Variants in EXD2 observed in about 807,000 individuals in gnomAD.
EXD2 encodes the protein exonuclease 3'-5' domain-containing protein 2.
In EXD2, 40 loss-of-function variants were observed where a neutral mutation model predicts 62.5. The ratio of observed to expected loss-of-function variants is 0.64; its 90% CI spans 0.50 to 0.83. EXD2 has a LOEUF of 0.83. Among genes scored for constraint, EXD2 ranks in the 40% least tolerant of loss-of-function variants. The pLI, the probability that EXD2 is intolerant of heterozygous loss-of-function variation, is 0.00. For synonymous variants in EXD2, 239 were observed against 291.9 expected (o/e 0.82, Z 1.85); for missense variants, 671 against 761.8 (o/e 0.88, Z 1.40).
rs557864570 is a variant in EXD2 at position 69,234,788 on chromosome 14, A to T, written c.806A>T (p.Glu269Val). The change falls in exon 6 of 10, where the codon GAA (glutamate) becomes GTA (valine). Residue 269 changes from glutamate (E) to valine (V), a missense_variant. Physicochemically the swap from Glu to Val is moderately radical, Grantham distance 121. Transcript: ENST00000685843. Reference sequence around the variant, plus strand: ...CCTTTCTCTAGGAATTCACCTGGAGAAAAAAACGATGACCACAGTAGCTGG... The same window carrying T: ...CCTTTCTCTAGGAATTCACCTGGAGTAAAAAACGATGACCACAGTAGCTGG... ...GYPFSRNSPG[E>V]KNDDHSSWRK... is the part of the protein sequence containing the mutation. 13 of 1,614,054 alleles carry T rather than the reference A, an allele frequency of 8.1e-6. No individual in the cohort carries two copies. In the East Asian group the frequency reaches 1.3e-4, roughly 17 times the overall value.
intron 8 of EXD2, 64 bp downstream of exon 8, chr14:69,236,606 T>G: frequency 6.2e-7 from 1 of 1,606,922 alleles, no homozygotes; most frequent in Non-Finnish European, 8.5e-7. Flanking sequence ...TGTAGCCATA[T>G]GCAGAGCCTT....
intron 3 of EXD2, among the ~76,000 whole-genome samples, chr14:69,223,743 A>G (rs542728085): frequency 4.2e-4 from 64 of 152,268 alleles, no homozygotes; most frequent in African/African-American, 1.5e-3. Flanking sequence ...CTCTGGCTAC[A>G]TATTTCCTTG....
intron 2 of EXD2, among the ~76,000 whole-genome samples, chr14:69,206,204 A>C (rs947052029): frequency 3.9e-5 from 6 of 152,026 alleles, no homozygotes; most frequent in Admixed American, 3.9e-4. Context: ...TACAGGTGTG[A>C]GCCACTGCAC....
At position 69,227,108 on chromosome 14, in the gene EXD2, C is replaced by T. The variant is rs147738485; in HGVS notation, c.334-1708C>T. Among the ~76,000 whole-genome samples the T allele has an allele frequency of 2.1e-3, 324 of 152,274 alleles. 1 individual carries two copies. The highest frequency in any genetic ancestry group is 7.4e-3 in the African/African-American group (306 of 41,562). On this transcript the variant is annotated intron_variant, in intron 3 of 9. Coordinates refer to ENST00000685843, the MANE Select transcript of EXD2 (RefSeq NM_001193360.2). ...CTAGAGCAGAGTTTCTCAGCCTCCC[C>T]GCTATTGACATTTTGGGCAGATGAT...
At position 69,228,914 on chromosome 14, in the gene EXD2, A is replaced by G; in HGVS notation, c.432A>G (p.Gly144=). Residue 144 remains glycine, a synonymous_variant, in exon 4 of 10, where the codon GGA becomes GGG. Coordinates refer to ENST00000685843, the MANE Select transcript of EXD2 (RefSeq NM_001193360.2). ...VLVRLPKLIC[G]GKTLPRTLLD... The stretch of plus-strand genomic sequence containing the variant: ...TTCGCCTGCCCAAGCTAATCTGTGG[A>G]GGAAAAACACTACCAAGAACGTTAT... The G allele has an allele frequency of 6.2e-7, 1 of 1,614,148 alleles. No homozygotes were observed. The highest frequency in any genetic ancestry group is 1.3e-5 in the African/African-American group (1 of 75,022).
rs2043993033 is a variant in EXD2, at chr14:69,241,922, C to T, written c.*822C>T. 1 of 398,954 alleles carries T rather than the reference C, an allele frequency of 2.5e-6. No homozygotes were observed. The highest frequency in any genetic ancestry group is 4.4e-6 in the Non-Finnish European group (1 of 226,084). The allele number at this position is 398,954 out of a possible 1,614,324, so 24.7% of individuals were successfully genotyped here. A position where few individuals can be genotyped will look rare whatever the true frequency, so the allele number is the denominator to read the frequency against. ...GAACTGCAAGATTTTTAGCTTCACC[C>T]CTTTCTGAGAGTAATGTTATCTTTT... On this transcript the variant is annotated 3_prime_UTR_variant, in exon 10 of 10. Transcript: ENST00000685843.
rs368454564 is a variant in EXD2 at position 69,237,817 on chromosome 14, C to A, written c.1535C>A (p.Ala512Glu). The change falls in exon 9 of 10, where the codon GCG becomes GAG. Residue 512 changes from alanine to glutamate, a missense_variant. Ala to Glu is a moderately radical substitution (Grantham distance 107). Transcript: ENST00000685843. ...VRSGARALLN[A>E]ESLPTQRKEE... ...TCTGGGGCCAGGGCCCTGCTCAACGCGGAGAGCCTGCCTACTCAGCGAAAG... is the reference window on the plus strand; with the variant it reads ...TCTGGGGCCAGGGCCCTGCTCAACGAGGAGAGCCTGCCTACTCAGCGAAAG... 6.2e-7 allele frequency: 1 copy of A among 1,613,690 alleles called. No homozygotes were observed. The highest frequency in any genetic ancestry group is 1.3e-5 in the African/African-American group (1 of 75,054).
At chr14:69,201,672 G>GTTTTTTGTTTTTTT (rs2042402768) in intron 1 of EXD2, among the ~76,000 whole-genome samples, 2 of 58,992 alleles carry the variant, frequency 3.4e-5, no homozygotes, top group African/African-American at 1.4e-4. Flanking sequence ...TGTTTTCTCT[G>GTTTTTTGTTTTTTT]TTTTTTTTTT....
chr14:69,195,692 G>C (rs997483534), intron 1 of EXD2, among the ~76,000 whole-genome samples: 1 of 152,076 alleles, frequency 6.6e-6, no homozygotes, highest in Non-Finnish European at 1.5e-5. Context: ...ACTCCCCTGA[G>C]ACCCCAGCCC....
chr14:69,231,364 A>C (rs1215472237), intron 5 of EXD2, among the ~76,000 whole-genome samples: 1 of 151,976 alleles, frequency 6.6e-6, no homozygotes, highest in Non-Finnish European at 1.5e-5. Flanking sequence ...ATCTTTTGAC[A>C]TCATACTGTG....
chr14:69,204,484 C>T (rs1231872467), intron 2 of EXD2, among the ~76,000 whole-genome samples: 5 of 152,012 alleles, frequency 3.3e-5, no homozygotes, highest in Admixed American at 2.6e-4. Flanking sequence ...AGTGGGAGCC[C>T]AGGAGGTCGA....
In EXD2 at chr14:69,229,441, T is replaced by G. The variant is rs1043367059; in HGVS notation, c.590+369T>G. Among the ~76,000 whole-genome samples, 3 of 152,222 alleles carry G rather than the reference T, an allele frequency of 2.0e-5. No individual in the cohort carries two copies. The East Asian group carries it at 5.8e-4, about 29-fold the overall frequency. The stretch of plus-strand genomic sequence containing the variant: ...TAAAAATCTGTATTTCTGGCTTCTC[T>G]TGAAATTAGGTAATCTGACTACACT... On this transcript the variant is annotated intron_variant, in intron 4 of 9. Coordinates refer to ENST00000685843, the MANE Select transcript of EXD2 (RefSeq NM_001193360.2).
chr14:69,214,321 T>C (rs1326435299), intron 3 of EXD2, among the ~76,000 whole-genome samples: 3 of 152,194 alleles, frequency 2.0e-5, no homozygotes, highest in Non-Finnish European at 4.4e-5. Context: ...GTTTTATCAA[T>C]TTAAAATTTC....
chr14:69,191,756 C>G (rs2042029627), intron 1 of EXD2, 165 bp downstream of exon 1: 1 of 152,488 alleles, frequency 6.6e-6, no homozygotes, highest in Non-Finnish European at 1.5e-5. Flanking sequence ...GGCCCTGCCC[C>G]TCTCCCCGCC....
chr14:69,234,591 C>A (rs530622642), intron 5 of EXD2, 109 bp from the exon 6 acceptor site: 42 of 910,814 alleles, frequency 4.6e-5, no homozygotes, highest in Non-Finnish European at 6.3e-5. Context: ...GGTTGTCGTA[C>A]ATTTTGAATT....
At position 69,209,741 on chromosome 14, in the gene EXD2, A is replaced by G; in HGVS notation, c.271A>G (p.Ile91Val). 6.5e-7 allele frequency: 1 copy of G among 1,548,776 alleles called. No individual in the cohort carries two copies. Among genetic ancestry groups the G allele is most frequent in the Admixed American group, 2.0e-5 (1 of 50,548 alleles). Reference protein sequence around the residue: ...TVSQEAEWDQIEPLLRSELED... With the variant: ...TVSQEAEWDQVEPLLRSELED... The stretch of plus-strand genomic sequence containing the variant: ...GTCTCAGGAGGCAGAGTGGGATCAA[A>G]TCGAGCCCTTGCTTAGAAGTGAATT... The change falls in exon 3 of 10, where the codon ATC becomes GTC. Residue 91 changes from isoleucine (I) to valine (V), a missense_variant. Coordinates refer to ENST00000685843, the MANE Select transcript of EXD2 (RefSeq NM_001193360.2).
chr14:69,213,797 G>A (rs2042902005), intron 3 of EXD2: 1 of 151,852 alleles, frequency 6.6e-6, no homozygotes, highest in Non-Finnish European at 1.5e-5. Flanking sequence ...CTGAGTAGCT[G>A]GGAGTACAGG....
rs182466488 is a variant in EXD2, at chr14:69,209,562, G to T, written c.92G>T (p.Arg31Leu). 2.6e-6 allele frequency: 4 copies of T among 1,550,552 alleles called. No homozygotes were observed. Among genetic ancestry groups the T allele is most frequent in the South Asian group, 2.4e-5 (2 of 84,056 alleles). ...GFVLWKGIQR[R>L]RRSKTSPVTQ... Reference sequence around the variant, plus strand: ...GTCCTCTGGAAAGGCATCCAGCGCCGCCGAAGGAGTAAAACGAGTCCTGTG... The same window carrying T: ...GTCCTCTGGAAAGGCATCCAGCGCCTCCGAAGGAGTAAAACGAGTCCTGTG... The change falls in exon 3 of 10, where the codon CGC becomes CTC. Residue 31 changes from arginine (R) to leucine (L), a missense_variant. Transcript: ENST00000685843.
intron 1 of EXD2, among the ~76,000 whole-genome samples, chr14:69,201,449 A>G (rs762373102): frequency 2.0e-5 from 3 of 152,022 alleles, no homozygotes; most frequent in Non-Finnish European, 4.4e-5. Flanking sequence ...TTGGCCTCCC[A>G]AACTACTGGG....
Sources: allele counts gnomAD v4.1 joint callset (sites outside exome capture counted in the v4.1 genomes callset), GRCh38; gene constraint gnomAD v4.1.1; transcripts MANE v1.5; gene names NCBI Gene and HGNC (gene_info 2026-07-23, HGNC 2026-07-21).